RBFOX1: variants seen among roughly 807,000 people sequenced by gnomAD.
RBFOX1 encodes RNA binding fox-1 homolog 1, also known as RNA binding protein fox-1 homolog 1.
Under a neutral mutation model 57.7 loss-of-function variants are expected in RBFOX1, and 8 were observed. The observed-to-expected ratio is 0.14, with a 90% confidence interval of 0.08 to 0.25. RBFOX1 has a LOEUF of 0.25. Among genes scored for constraint, RBFOX1 ranks in the 10% least tolerant of loss-of-function variants. The pLI is 1.00. For missense variants in RBFOX1, 611 were observed against 548.5 expected (o/e 1.11, Z -1.14); for synonymous variants, 326 against 222.4 (o/e 1.47, Z -4.15).
At chr16:5,650,802 A>ATAGT (rs2049210291) in intron 3 of RBFOX1, among the ~76,000 whole-genome samples, 1 of 152,076 alleles carries the variant, frequency 6.6e-6, no homozygotes, top group Admixed American at 6.5e-5. Flanking sequence ...ACAGACGGAC[A>ATAGT]CAGTCTTTGT....
chr16:7,004,956 C>T (rs550959091), intron 3 of RBFOX1, among the ~76,000 whole-genome samples: 11 of 152,212 alleles, frequency 7.2e-5, no homozygotes, highest in African/African-American at 2.6e-4. Context: ...CCAGCTTGGC[C>T]AACATGGTGA....
intron 1 of RBFOX1, among the ~76,000 whole-genome samples, chr16:5,372,209 G>C (rs184770762): frequency 1.4e-4 from 21 of 152,298 alleles, no homozygotes; most frequent in Admixed American, 7.2e-4. Flanking sequence ...AGGCCAGCTG[G>C]GATGTTGTTC....
At chr16:5,983,509 C>A (rs1022806471) in intron 4 of RBFOX1, among the ~76,000 whole-genome samples, 1 of 152,048 alleles carries the variant, frequency 6.6e-6, no homozygotes, top group Non-Finnish European at 1.5e-5. Flanking sequence ...GTGGGGTAGG[C>A]GGGGAAAAAC....
chr16:6,423,470 A>C (rs1171110143), intron 2 of RBFOX1, among the ~76,000 whole-genome samples: 3 of 152,074 alleles, frequency 2.0e-5, no homozygotes, highest in Admixed American at 2.0e-4. Flanking sequence ...TTGATGGTGC[A>C]TGTCTGTAAT....
chr16:5,595,919 G>A (rs1567274862), intron 2 of RBFOX1, among the ~76,000 whole-genome samples: 1 of 152,192 alleles, frequency 6.6e-6, no homozygotes, highest in Admixed American at 6.5e-5. Context: ...TGTAAAAGTG[G>A]CAGGAAGGGC....
intron 3 of RBFOX1, among the ~76,000 whole-genome samples, chr16:6,788,789 C>G (rs963334969): frequency 6.6e-6 from 1 of 152,026 alleles, no homozygotes; most frequent in Non-Finnish European, 1.5e-5. Flanking sequence ...ACTGATTTTT[C>G]TGAGGATGCC....
intron 3 of RBFOX1, among the ~76,000 whole-genome samples, chr16:6,739,373 A>G (rs765163322): frequency 5.3e-5 from 8 of 152,250 alleles, no homozygotes; most frequent in South Asian, 2.1e-4. Context: ...GAGAGCTTAA[A>G]CCAATTCTCT....
intron 4 of RBFOX1, among the ~76,000 whole-genome samples, chr16:5,992,301 A>G (rs1001679126): frequency 1.3e-5 from 2 of 152,044 alleles, no homozygotes; most frequent in East Asian, 1.9e-4. Flanking sequence ...ATAGATAGGG[A>G]AAAAAAGGTT....
At chr16:5,731,592 C>G (rs947272611) in intron 3 of RBFOX1, among the ~76,000 whole-genome samples, 12 of 152,154 alleles carry the variant, frequency 7.9e-5, no homozygotes, top group Admixed American at 3.3e-4. Flanking sequence ...AAATATAGCT[C>G]AAGAATGTGG....
chr16:6,930,968 C>T (rs994647095), intron 3 of RBFOX1, among the ~76,000 whole-genome samples: 1 of 151,994 alleles, frequency 6.6e-6, no homozygotes, highest in Non-Finnish European at 1.5e-5. Flanking sequence ...CCCCCCTACA[C>T]ACATACATAT....
chr16:5,331,520 C>T (rs1596543798), intron 1 of RBFOX1, among the ~76,000 whole-genome samples: 3 of 152,242 alleles, frequency 2.0e-5, no homozygotes, highest in Admixed American at 2.0e-4. Context: ...CTAGCCCAGG[C>T]ATGTCCTTCT....
intron 3 of RBFOX1, among the ~76,000 whole-genome samples, chr16:6,791,893 T>C (rs917065653): frequency 6.6e-6 from 1 of 152,210 alleles, no homozygotes; most frequent in Non-Finnish European, 1.5e-5. Flanking sequence ...ACTTTATATG[T>C]GTTAAGTTAT....
chr16:6,602,827 G>A (rs560741579), intron 2 of RBFOX1, among the ~76,000 whole-genome samples: 1 of 152,174 alleles, frequency 6.6e-6, no homozygotes, highest in East Asian at 1.9e-4. Flanking sequence ...AAGACAACTG[G>A]AGCTCATGCC....
chr16:7,574,108 G>T (rs192687643), intron 5 of RBFOX1, among the ~76,000 whole-genome samples: 1 of 152,274 alleles, frequency 6.6e-6, no homozygotes, highest in Admixed American at 6.5e-5. Flanking sequence ...AGGCACACTA[G>T]TAGGTACTGG....
chr16:5,306,643 A>G (rs2063942578), intron 1 of RBFOX1, among the ~76,000 whole-genome samples: 1 of 152,196 alleles, frequency 6.6e-6, no homozygotes, highest in Non-Finnish European at 1.5e-5. Flanking sequence ...GAGCTTTATC[A>G]TGAAAGATCG....
intron 2 of RBFOX1, among the ~76,000 whole-genome samples, chr16:6,380,840 C>T (rs764919351): frequency 2.4e-4 from 37 of 152,294 alleles, no homozygotes; most frequent in Non-Finnish European, 4.1e-4. Context: ...GTGCCCAAAG[C>T]GCCTCCTTCC....
intron 1 of RBFOX1, among the ~76,000 whole-genome samples, chr16:6,157,616 T>G (rs2096847554): frequency 6.6e-6 from 1 of 152,156 alleles, no homozygotes; most frequent in Admixed American, 6.5e-5. Flanking sequence ...GCCAAAGAAG[T>G]TTATTTGTAA....
At chr16:5,972,978 C>T (rs1472239021) in intron 4 of RBFOX1, among the ~76,000 whole-genome samples, 1 of 152,128 alleles carries the variant, frequency 6.6e-6, no homozygotes, top group Non-Finnish European at 1.5e-5. Flanking sequence ...CGTATAGCTA[C>T]AGAAAGTGTG....
Position 6,913,117 on chromosome 16 carries a change from C to T in RBFOX1, c.-15-138940C>T, listed in dbSNP as rs79620079. Reference sequence around the variant, plus strand: ...AGCAACGTCTGTCCACCCACCAGGCCGCTGGGAGGCTGAAGAAGACACGTT... The same window carrying T: ...AGCAACGTCTGTCCACCCACCAGGCTGCTGGGAGGCTGAAGAAGACACGTT... On this transcript the variant is annotated intron_variant, in intron 3 of 15. Coordinates refer to ENST00000550418, the MANE Select transcript of RBFOX1 (RefSeq NM_018723.4). 3.4e-4 allele frequency among the ~76,000 whole-genome samples: 51 copies of T among 152,198 alleles called. No individual in the cohort carries two copies. In the East Asian group the frequency reaches 7.0e-3, roughly 21 times the overall value.
Sources: allele counts gnomAD v4.1 joint callset (sites outside exome capture counted in the v4.1 genomes callset), GRCh38; gene constraint gnomAD v4.1.1; transcripts MANE v1.5; gene names NCBI Gene and HGNC (gene_info 2026-07-23, HGNC 2026-07-21).